Variants in PRKN observed in about 807,000 individuals in gnomAD.
PRKN encodes the protein E3 ubiquitin-protein ligase parkin.
PRKN carries 56 observed loss-of-function variants against 59.5 expected under a neutral mutation model. The ratio of observed to expected loss-of-function variants is 0.94; its 90% confidence interval spans 0.76 to 1.18. The LOEUF is 1.18. Ranked by LOEUF, PRKN falls within the 50% of genes most tolerant of loss-of-function variation. The pLI, the probability that PRKN is intolerant of heterozygous loss-of-function variation, is 0.00. For synonymous variants in PRKN, 250 were observed against 222.1 expected (o/e 1.13, Z -1.12); for missense variants, 657 against 596.4 (o/e 1.10, Z -1.06).
At chr6:162,345,144 ACTCCGAATACAACACAATTG>A (rs1784343397) in intron 2 of PRKN, among the ~76,000 whole-genome samples, 1 of 152,088 alleles carries the variant, frequency 6.6e-6, no homozygotes, top group African/African-American at 2.4e-5. Context: ...GCCTGGAATA[ACTCCGAATACAACACAATTG>A]CTCCTCACAT....
intron 2 of PRKN, among the ~76,000 whole-genome samples, chr6:162,300,077 T>C (rs1028606593): frequency 4.6e-5 from 7 of 152,264 alleles, no homozygotes; most frequent in South Asian, 2.1e-4. Flanking sequence ...AGTAGCATTA[T>C]AGAATCAGAG....
chr6:162,243,211 G>T (rs988456004), intron 3 of PRKN, among the ~76,000 whole-genome samples: 1 of 152,046 alleles, frequency 6.6e-6, no homozygotes, highest in Non-Finnish European at 1.5e-5. Context: ...TTATGCTAAT[G>T]TCTTACAAAA....
intron 1 of PRKN, among the ~76,000 whole-genome samples, chr6:162,679,109 T>TATTA (rs780065550): frequency 2.0e-5 from 3 of 148,412 alleles, no homozygotes; most frequent in Non-Finnish European, 4.5e-5. Context: ...TTTATTTATT[T>TATTA]ATGAATGAAT....
At position 162,709,270 on chromosome 6, in the gene PRKN, C is replaced by T. The variant is rs1042040267; in HGVS notation, c.7+18392G>A. Among the ~76,000 whole-genome samples the T allele has an allele frequency of 1.1e-4, 16 of 152,122 alleles. 1 individual carries two copies. Among genetic ancestry groups the T allele is most frequent in the Non-Finnish European group, 1.5e-5 (1 of 68,028 alleles). ...GAATTACACTTGAAACCACCCTCCT[C>T]GCCCTGATCCATGGAAAAATTGTCT... On this transcript the variant is annotated intron_variant, in intron 1 of 11. Transcript: ENST00000366898.
chr6:161,599,554 G>T (rs1782034463), intron 7 of PRKN, among the ~76,000 whole-genome samples: 1 of 152,202 alleles, frequency 6.6e-6, no homozygotes, highest in Non-Finnish European at 1.5e-5. Flanking sequence ...AATTACAGTT[G>T]ACTTACATTT....
intron 4 of PRKN, among the ~76,000 whole-genome samples, chr6:162,087,742 C>G (rs1436001724): frequency 3.3e-5 from 5 of 151,796 alleles, no homozygotes; most frequent in Non-Finnish European, 7.4e-5. Flanking sequence ...TACAGGCACA[C>G]GCCACCACGC....
intron 1 of PRKN, among the ~76,000 whole-genome samples, chr6:162,692,511 G>A (rs542761986): frequency 6.6e-6 from 1 of 152,254 alleles, no homozygotes; most frequent in South Asian, 2.1e-4. Context: ...GACTACAGGA[G>A]GGGCTGCAGA....
At chr6:162,118,413 A>G (rs897287431) in intron 4 of PRKN, among the ~76,000 whole-genome samples, 1 of 152,228 alleles carries the variant, frequency 6.6e-6, no homozygotes, top group Non-Finnish European at 1.5e-5. Context: ...CTCAAAAAAA[A>G]AAAGAGTATG....
Position 161,552,457 on chromosome 6 carries a change from T to TC in PRKN, c.934-3455dup, listed in dbSNP as rs144005530. On this transcript the variant is annotated intron_variant, in intron 8 of 11. Transcript: ENST00000366898. The surrounding 1 kb of genome is among the most constrained non-coding windows in gnomAD (Gnocchi z 4.9). ...CCTCTCTCCCTCAGCTCTGTTCACC[T>TC]CCGCCTATGACTGTGAATGATCTCA... Among the ~76,000 whole-genome samples, 2 of 43,718 alleles carry TC rather than the reference T, an allele frequency of 4.6e-5. No individual in the cohort carries two copies. The highest frequency in any genetic ancestry group is 1.2e-4 in the Non-Finnish European group (2 of 17,252). 28.7% of individuals were successfully genotyped at this position (43,718 alleles called of 152,430 possible). A position where few individuals can be genotyped will look rare whatever the true frequency, so the allele number is the denominator to read the frequency against.
intron 1 of PRKN, among the ~76,000 whole-genome samples, chr6:162,608,921 C>T (rs1782029441): frequency 6.6e-6 from 1 of 152,002 alleles, no homozygotes; most frequent in Non-Finnish European, 1.5e-5. Context: ...GGGCATGGGT[C>T]AGTAGCACAG....
Position 162,348,777 on chromosome 6 carries a change from T to C in PRKN, c.172-86012A>G, listed in dbSNP as rs567523677. Among the ~76,000 whole-genome samples the C allele has an allele frequency of 3.3e-5, 5 of 151,482 alleles. No homozygotes were observed. In the South Asian group the frequency reaches 1.0e-3, roughly 31 times the overall value. On this transcript the variant is annotated intron_variant, in intron 2 of 11. Transcript: ENST00000366898. ...CTACAGACTGTAATTTACCCAATACTGAAGTAAAAAGCAAAAAAGAAAAAG... is the reference window on the plus strand; with the variant it reads ...CTACAGACTGTAATTTACCCAATACCGAAGTAAAAAGCAAAAAAGAAAAAG...
At chr6:161,666,075 G>A (rs915887897) in intron 7 of PRKN, among the ~76,000 whole-genome samples, 4 of 152,170 alleles carry the variant, frequency 2.6e-5, no homozygotes, top group East Asian at 1.9e-4. Context: ...GGGCAGTCCC[G>A]TGAGCCTCTT....
chr6:161,777,213 T>C (rs1789961176), intron 7 of PRKN, among the ~76,000 whole-genome samples: 1 of 152,170 alleles, frequency 6.6e-6, no homozygotes, highest in South Asian at 2.1e-4. Flanking sequence ...GCACCATATT[T>C]ATAGTAAGCG....
chr6:162,465,245 C>A (rs1481000206), intron 1 of PRKN, among the ~76,000 whole-genome samples: 1 of 152,200 alleles, frequency 6.6e-6, no homozygotes, highest in African/African-American at 2.4e-5. Flanking sequence ...TATCTCTCAA[C>A]TAGTTCTTAT....
At chr6:162,643,748 T>C (rs1778059029) in intron 1 of PRKN, 1 of 152,216 alleles carries the variant, frequency 6.6e-6, no homozygotes, top group South Asian at 2.1e-4. Context: ...TTTTATCATT[T>C]CTGAAAGGTT....
intron 7 of PRKN, among the ~76,000 whole-genome samples, chr6:161,746,642 G>C (rs1196206270): frequency 7.1e-6 from 1 of 140,384 alleles, no homozygotes; most frequent in Non-Finnish European, 1.5e-5. Flanking sequence ...ATGTATATAT[G>C]TATATATCTA....
intron 6 of PRKN, among the ~76,000 whole-genome samples, chr6:161,841,419 T>C (rs1217487274): frequency 6.6e-6 from 1 of 151,800 alleles, no homozygotes; most frequent in South Asian, 2.1e-4. Flanking sequence ...GCGTAATCTC[T>C]GCTCACAGTA....
intron 1 of PRKN, among the ~76,000 whole-genome samples, chr6:162,663,693 G>C (rs899088776): frequency 1.3e-5 from 2 of 152,016 alleles, no homozygotes; most frequent in Non-Finnish European, 2.9e-5. Flanking sequence ...GATTAAGTGG[G>C]CTTCAGTTTC....
At chr6:162,327,933 A>C (rs963591438) in intron 2 of PRKN, among the ~76,000 whole-genome samples, 7 of 152,118 alleles carry the variant, frequency 4.6e-5, no homozygotes, top group African/African-American at 9.7e-5. Flanking sequence ...AATGGTCTAC[A>C]AACAGGTCTG....
Sources: gnomAD v4.1 joint callset for allele counts (sites outside exome capture counted in the v4.1 genomes callset) on GRCh38, gnomAD v4.1.1 for gene constraint, Gnocchi (gnomAD v3.1) non-coding constraint, MANE v1.5 for transcripts, NCBI Gene and HGNC (gene_info 2026-07-23, HGNC 2026-07-21) for gene names.